The following ATP6V0A4 variants were observed in gnomAD, a reference collection of about 807,000 sequenced individuals.
The protein encoded by ATP6V0A4 is V-type proton ATPase 116 kDa subunit a 4.
Under a neutral mutation model 107.3 loss-of-function variants are expected in ATP6V0A4, and 86 were observed. That is an observed-to-expected ratio of 0.80 (90% CI 0.67 to 0.96). ATP6V0A4 has a LOEUF of 0.96. Among genes scored for constraint, ATP6V0A4 ranks in the 40% least tolerant of loss-of-function variants. The pLI is 0.00. For synonymous variants in ATP6V0A4, 353 were observed against 381.4 expected, an observed-to-expected ratio of 0.93 and a Z score of 0.87; for missense variants, 908 against 1,045.6, an observed-to-expected ratio of 0.87 and a Z score of 1.81.
chr7:138,719,319 G>C (rs56396450), intron 19 of ATP6V0A4, among the ~76,000 whole-genome samples: 32,311 of 152,172 alleles, frequency 0.21, 3,719 homozygotes, highest in Non-Finnish European at 0.26. Flanking sequence ...TGGGCCCCTG[G>C]GACCACACCT....
At chr7:138,720,927 A>G (rs1406997701) in intron 19 of ATP6V0A4, among the ~76,000 whole-genome samples, 1 of 152,048 alleles carries the variant, frequency 6.6e-6, no homozygotes, top group East Asian at 1.9e-4. Context: ...ATGAGCCACC[A>G]CACATGGCTA....
At chr7:138,755,853 TA>T in intron 9 of ATP6V0A4, 71 bp from the exon 10 acceptor site, 1 of 1,581,064 alleles carries the variant, frequency 6.3e-7, no homozygotes. Flanking sequence ...CCTTTTCTGC[TA>T]AGACATCGTT....
chr7:138,784,196 C>A (rs1044549906), intron 2 of ATP6V0A4, among the ~76,000 whole-genome samples: 3 of 142,914 alleles, frequency 2.1e-5, no homozygotes, highest in Middle Eastern at 3.4e-3. Flanking sequence ...AACTAATCCA[C>A]CTATGAATCC....
intron 1 of ATP6V0A4, among the ~76,000 whole-genome samples, chr7:138,790,387 G>C (rs1345474470): frequency 6.6e-6 from 1 of 152,078 alleles, no homozygotes; most frequent in Non-Finnish European, 1.5e-5. Flanking sequence ...TCTGCCTCTT[G>C]GGTTCAAGCG....
chr7:138,754,996 A>G (rs1358036804), intron 10 of ATP6V0A4, among the ~76,000 whole-genome samples: 1 of 152,228 alleles, frequency 6.6e-6, no homozygotes, highest in African/African-American at 2.4e-5. Context: ...CCATGTTTCA[A>G]GGGCTCAATA....
chr7:138,747,620 C>T (rs768448418), intron 12 of ATP6V0A4, 56 bp from the exon 13 acceptor site: 5 of 1,599,362 alleles, frequency 3.1e-6, no homozygotes, highest in Non-Finnish European at 4.3e-6. Context: ...GGGGCCCCCA[C>T]CTCAGATTCC....
At chr7:138,712,322 GA>G (rs1803788491) in intron 20 of ATP6V0A4, among the ~76,000 whole-genome samples, 1 of 152,166 alleles carries the variant, frequency 6.6e-6, no homozygotes, top group African/African-American at 2.4e-5. Flanking sequence ...GCAGTAGTTT[GA>G]AGGACTTGGG....
chr7:138,711,036 G>T (rs571896155), intron 20 of ATP6V0A4, among the ~76,000 whole-genome samples: 2 of 152,078 alleles, frequency 1.3e-5, no homozygotes, highest in Non-Finnish European at 2.9e-5. Flanking sequence ...AGGGGCAAAT[G>T]CCACACAGCC....
At chr7:138,731,901 AAAAT>A (rs59314409) in intron 17 of ATP6V0A4, among the ~76,000 whole-genome samples, 3,597 of 146,684 alleles carry the variant, frequency 0.025, 107 homozygotes, top group African/African-American at 0.067. Context: ...TCCAAAAATA[AAAAT>A]AAATAAATAA....
At chr7:138,709,924 G>A in intron 20 of ATP6V0A4, 129 bp from the exon 21 acceptor site, 1 of 1,127,792 alleles carries the variant, frequency 8.9e-7, no homozygotes, top group Admixed American at 3.0e-5. Flanking sequence ...CTGTTGCCTA[G>A]GATGGTCTCC....
chr7:138,783,332 G>A (rs1301732256), intron 2 of ATP6V0A4, among the ~76,000 whole-genome samples: 1 of 151,832 alleles, frequency 6.6e-6, no homozygotes, highest in East Asian at 1.9e-4. Context: ...GCACTATGGG[G>A]GACCGAGGTG....
At chr7:138,748,478 C>T (rs2117280407) in intron 12 of ATP6V0A4, among the ~76,000 whole-genome samples, 1 of 152,326 alleles carries the variant, frequency 6.6e-6, no homozygotes, top group East Asian at 1.9e-4. Flanking sequence ...GCAGTCTCAG[C>T]TCACTGCAAT....
At chr7:138,762,650 G>T (rs3734936) in intron 6 of ATP6V0A4, among the ~76,000 whole-genome samples, 2 of 151,996 alleles carry the variant, frequency 1.3e-5, no homozygotes, top group Non-Finnish European at 2.9e-5. Flanking sequence ...TGCTGTGCTT[G>T]GTTCTGACTT....
chr7:138,752,481 T>G, intron 11 of ATP6V0A4, 144 bp downstream of exon 11: 2 of 1,024,054 alleles, frequency 2.0e-6, no homozygotes, highest in Non-Finnish European at 2.9e-6. Flanking sequence ...TCGAGTGGGG[T>G]TGATAACTGA....
At chr7:138,756,382 T>A in intron 9 of ATP6V0A4, 76 bp downstream of exon 9, 1 of 1,608,318 alleles carries the variant, frequency 6.2e-7, no homozygotes, top group East Asian at 2.2e-5. Context: ...CACAGTCATG[T>A]GCATTTGGCA....
At chr7:138,718,625 G>GGAATGGGGA (rs1298195096) in intron 19 of ATP6V0A4, among the ~76,000 whole-genome samples, 2 of 113,580 alleles carry the variant, frequency 1.8e-5, no homozygotes, top group Non-Finnish European at 3.5e-5. Flanking sequence ...GGAATGGGGA[G>GGAATGGGGA]GTGCCGCCAC....
intron 13 of ATP6V0A4, 137 bp downstream of exon 13, chr7:138,747,288 T>C: frequency 8.9e-7 from 1 of 1,124,272 alleles, no homozygotes; most frequent in South Asian, 1.4e-5. Flanking sequence ...CCAGAAGTTT[T>C]AGGTTAATTT....
At chr7:138,739,709 G>A (rs998803726) in intron 14 of ATP6V0A4, 76 bp from the exon 15 acceptor site, 147 of 1,577,814 alleles carry the variant, frequency 9.3e-5, no homozygotes, top group Middle Eastern at 1.8e-4. Flanking sequence ...CACCAGTCAC[G>A]AACTTGCCCA....
chr7:138,728,942 G>A lies in ATP6V0A4; in HGVS notation c.1909-80C>T. 3.1e-6 allele frequency: 5 copies of A among 1,609,542 alleles called. No homozygotes were observed. The South Asian group carries it at 5.5e-5, about 18-fold the overall frequency. The stretch of plus-strand genomic sequence containing the variant: ...TTTACGTGATGAAAATGACCACTAT[G>A]GGCCACTTCACTAGCACTTTATTTT... On this transcript the variant is annotated intron_variant, in intron 17 of 21. Transcript: ENST00000310018.
Sources: allele counts gnomAD v4.1 joint callset (sites outside exome capture counted in the v4.1 genomes callset), GRCh38; gene constraint gnomAD v4.1.1; transcripts MANE v1.5; gene names NCBI Gene and HGNC (gene_info 2026-07-23, HGNC 2026-07-21).